Variants in HIVEP3 observed in about 807,000 individuals in gnomAD.
The protein encoded by HIVEP3 is HIVEP zinc finger 3.
A neutral mutation model predicts 152.8 loss-of-function variants in HIVEP3; 49 were observed. The ratio of observed to expected loss-of-function variants is 0.32; its 90% CI spans 0.26 to 0.41. HIVEP3 has a LOEUF of 0.41. Among genes scored for constraint, HIVEP3 ranks in the 10% least tolerant of loss-of-function variants. The pLI, the probability that HIVEP3 is intolerant of heterozygous loss-of-function variation, is 1.00. For missense variants in HIVEP3, 2,790 were observed against 3,103.3 expected (o/e 0.90, Z 2.40); for synonymous variants, 1,269 against 1,289.0 (o/e 0.98, Z 0.33).
chr1:41,796,158 T>C (rs12089281), intron 1 of HIVEP3, among the ~76,000 whole-genome samples: 5,846 of 152,324 alleles, frequency 0.038, 364 homozygotes, highest in African/African-American at 0.13. Context: ...AATCCAGCAC[T>C]ATAGAGTTCA....
chr1:41,958,794 C>T (rs1645153925), intron 1 of HIVEP3, among the ~76,000 whole-genome samples: 1 of 152,190 alleles, frequency 6.6e-6, no homozygotes, highest in Non-Finnish European at 1.5e-5. Context: ...GTGGTAAAGA[C>T]AGATGTATAC....
intron 1 of HIVEP3, among the ~76,000 whole-genome samples, chr1:41,784,747 T>C (rs554641988): frequency 6.6e-6 from 1 of 152,318 alleles, no homozygotes; most frequent in African/African-American, 2.4e-5. Context: ...CCTTGTAAAT[T>C]CTATTGTAGT....
At chr1:41,632,634 C>T (rs181492516) in intron 2 of HIVEP3, among the ~76,000 whole-genome samples, 4 of 152,142 alleles carry the variant, frequency 2.6e-5, no homozygotes, top group African/African-American at 9.6e-5. Flanking sequence ...CACATGCCTG[C>T]AGTCTCAGGT....
intron 1 of HIVEP3, among the ~76,000 whole-genome samples, chr1:42,026,544 T>C (rs1645583555): frequency 1.3e-5 from 2 of 152,204 alleles, no homozygotes; most frequent in South Asian, 4.1e-4. Context: ...TACAATTTCC[T>C]CTCTCCATTA....
At chr1:41,904,677 T>G (rs1258077088) in intron 1 of HIVEP3, among the ~76,000 whole-genome samples, 1 of 152,342 alleles carries the variant, frequency 6.6e-6, no homozygotes, top group East Asian at 1.9e-4. Flanking sequence ...CCCACTTTGG[T>G]GAGTATCAAA....
chr1:41,751,432 C>T (rs1256053280), intron 1 of HIVEP3, among the ~76,000 whole-genome samples: 5 of 150,588 alleles, frequency 3.3e-5, no homozygotes, highest in Non-Finnish European at 7.4e-5. Flanking sequence ...GCTCAGCCCA[C>T]GCATTTCACC....
In HIVEP3 at chr1:41,511,369, C is replaced by A; in HGVS notation, c.6406-103G>T. ...GGGGGACTCGCCCAAGATCACAGAG[C>A]GAGTCCAGGGTCCCGGCTGAGCTGA... On this transcript the variant is annotated intron_variant, in intron 8 of 8. Transcript: ENST00000372583. The surrounding 1 kb of genome is among the most constrained non-coding windows in gnomAD (Gnocchi z 4.9). 2.8e-6 allele frequency: 3 copies of A among 1,081,278 alleles called. No homozygotes were observed. Among genetic ancestry groups the A allele is most frequent in the Non-Finnish European group, 3.9e-6 (3 of 769,130 alleles). The allele number at this position is 1,081,278 out of a possible 1,614,324, so 67.0% of individuals were successfully genotyped here.
intron 1 of HIVEP3, among the ~76,000 whole-genome samples, chr1:41,791,794 A>C (rs1649713735): frequency 6.6e-6 from 1 of 152,090 alleles, no homozygotes; most frequent in Admixed American, 6.5e-5. Context: ...TTTGGCTCCT[A>C]CACACCTCTC....
intron 2 of HIVEP3, among the ~76,000 whole-genome samples, chr1:41,639,631 T>A (rs906746794): frequency 1.3e-5 from 2 of 152,162 alleles, no homozygotes; most frequent in African/African-American, 4.8e-5. Context: ...GGGTTTGGGG[T>A]TGGCTCTGTG....
chr1:41,700,757 G>C (rs1646350216), intron 2 of HIVEP3, among the ~76,000 whole-genome samples, 159 bp downstream of exon 2: 1 of 152,220 alleles, frequency 6.6e-6, no homozygotes, highest in African/African-American at 2.4e-5. Context: ...GTGACATTTG[G>C]GTGGCTTTTT....
intron 2 of HIVEP3, among the ~76,000 whole-genome samples, chr1:41,679,289 A>G (rs1337827829): frequency 6.6e-6 from 1 of 151,646 alleles, no homozygotes; most frequent in East Asian, 1.9e-4. Flanking sequence ...GGAAGCTGAA[A>G]CTCCCAGAGG....
intron 1 of HIVEP3, among the ~76,000 whole-genome samples, chr1:41,996,424 C>T (rs1474466788): frequency 1.7e-4 from 25 of 149,802 alleles, no homozygotes; most frequent in Admixed American, 1.7e-3. Flanking sequence ...ACAGAGCTGG[C>T]AGTAACTCTA....
chr1:41,570,785 G>C (rs754358995), intron 5 of HIVEP3, among the ~76,000 whole-genome samples: 1 of 152,182 alleles, frequency 6.6e-6, no homozygotes, highest in African/African-American at 2.4e-5. Flanking sequence ...CATTGACTTG[G>C]ATAAGAGCAG....
chr1:41,721,247 G>A (rs191896172), intron 1 of HIVEP3, among the ~76,000 whole-genome samples: 1 of 150,170 alleles, frequency 6.7e-6, no homozygotes, highest in East Asian at 1.9e-4. Context: ...CACTATTGTC[G>A]CCCAGGCTGG....
At chr1:42,019,061 G>T (rs986353853) in intron 1 of HIVEP3, among the ~76,000 whole-genome samples, 3 of 151,900 alleles carry the variant, frequency 2.0e-5, no homozygotes, top group Non-Finnish European at 4.4e-5. Context: ...ACTCATAGAG[G>T]TTGAGGAAAA....
intron 1 of HIVEP3, among the ~76,000 whole-genome samples, chr1:41,998,430 A>C (rs1299445698): frequency 2.6e-5 from 4 of 152,164 alleles, no homozygotes; most frequent in African/African-American, 4.8e-5. Context: ...AAAATTAAGC[A>C]AAATGATGTC....
chr1:41,979,887 G>T (rs1317611534), intron 1 of HIVEP3, among the ~76,000 whole-genome samples: 2 of 152,202 alleles, frequency 1.3e-5, no homozygotes, highest in Non-Finnish European at 2.9e-5. Flanking sequence ...CTAGTTATGG[G>T]AGCAGGAATA....
intron 1 of HIVEP3, among the ~76,000 whole-genome samples, chr1:41,702,743 C>T (rs1477457340): frequency 1.3e-5 from 2 of 152,222 alleles, no homozygotes; most frequent in African/African-American, 2.4e-5. Context: ...CAAGGCCGGT[C>T]TCCCAGCAGA....
In HIVEP3 at chr1:41,583,184, C is replaced by T. The variant is rs1465944552; in HGVS notation, c.1614G>A (p.Leu538=). ...CGGCAGAAGGCATTGAGTGGCTTCT[C>T]AGGAGAGGCACAGGGGGGGCGGTAC... The part of the protein sequence containing the change: ...PPSTAPPVPL[L]RSHSMPSAAC... The change falls in exon 4 of 9, where the codon CTG becomes CTA. Residue 538 remains leucine (L), a synonymous_variant. Transcript: ENST00000372583. The surrounding 1 kb of genome is among the most constrained non-coding windows in gnomAD (Gnocchi z 6.9). 1 of 1,606,730 alleles carries T rather than the reference C, an allele frequency of 6.2e-7. No individual in the cohort carries two copies. The highest frequency in any genetic ancestry group is 8.5e-7 in the Non-Finnish European group (1 of 1,176,112).
Sources: gnomAD v4.1 joint callset for allele counts (sites outside exome capture counted in the v4.1 genomes callset) on GRCh38, gnomAD v4.1.1 for gene constraint, Gnocchi (gnomAD v3.1) non-coding constraint, MANE v1.5 for transcripts, NCBI Gene and HGNC (gene_info 2026-07-23, HGNC 2026-07-21) for gene names.